COMMD10: variants seen among roughly 807,000 people sequenced by gnomAD.
COMMD10 encodes the protein COMM domain containing 10.
A neutral mutation model predicts 28.9 loss-of-function variants in COMMD10; 33 were observed. The observed-to-expected ratio is 1.14, with a 90% CI of 0.87 to 1.53. The LOEUF is 1.53. COMMD10 is among the 40% of genes most tolerant of loss of function. COMMD10 has a pLI of 0.00. For missense variants in COMMD10, 310 were observed against 233.4 expected, an observed-to-expected ratio of 1.33 and a Z score of -2.14; for synonymous variants, 110 against 81.7, an observed-to-expected ratio of 1.35 and a Z score of -1.87.
chr5:116,173,838 G>GTTTTTTTTTTTT (rs201419186), intron 5 of COMMD10, among the ~76,000 whole-genome samples: 1 of 118,924 alleles, frequency 8.4e-6, no homozygotes, highest in African/African-American at 3.7e-5. Context: ...GTTTTGTTTT[G>GTTTTTTTTTTTT]TTTTGTTTTT....
intron 5 of COMMD10, among the ~76,000 whole-genome samples, chr5:116,217,257 G>C (rs145713498): frequency 6.6e-6 from 1 of 151,190 alleles, no homozygotes; most frequent in Non-Finnish European, 1.5e-5. Context: ...ATAAACAGTC[G>C]TGGTATTTCA....
intron 5 of COMMD10, among the ~76,000 whole-genome samples, chr5:116,271,249 T>C (rs1386101080): frequency 2.1e-5 from 3 of 144,696 alleles, no homozygotes; most frequent in Non-Finnish European, 4.5e-5. Context: ...GTAAAAACAA[T>C]TTTTTTTCCT....
chr5:116,218,769 G>C (rs578065000), intron 5 of COMMD10, among the ~76,000 whole-genome samples: 1 of 152,262 alleles, frequency 6.6e-6, no homozygotes, highest in Non-Finnish European at 1.5e-5. Context: ...TAGTAGTCGA[G>C]TAGTAAGGGC....
intron 5 of COMMD10, among the ~76,000 whole-genome samples, chr5:116,197,075 A>C (rs1748543568): frequency 6.7e-6 from 1 of 148,380 alleles, no homozygotes; most frequent in African/African-American, 2.6e-5. Flanking sequence ...CTGTCCGTTA[A>C]ATATTTAAAA....
At position 116,221,371 on chromosome 5, in the gene COMMD10, TATTAA is replaced by T. The variant is rs546342008; in HGVS notation, c.511-70142_511-70138del. Among the ~76,000 whole-genome samples, 382 of 152,262 alleles carry T rather than the reference TATTAA, an allele frequency of 2.5e-3. 2 individuals are homozygous for T. Among genetic ancestry groups the T allele is most frequent in the African/African-American group, 7.7e-3 (320 of 41,542 alleles). ...TCTCCTTTCTCAGCCACCCTGTGGT[TATTAA>T]ATTCTTTCTGTGTTACAAACCCTGC... On this transcript the variant is annotated intron_variant, in intron 5 of 6. Coordinates refer to ENST00000274458, the MANE Select transcript of COMMD10 (RefSeq NM_016144.4).
intron 4 of COMMD10, among the ~76,000 whole-genome samples, chr5:116,122,687 G>T (rs1751481748): frequency 6.6e-6 from 1 of 152,112 alleles, no homozygotes; most frequent in East Asian, 1.9e-4. Flanking sequence ...TCCTTGAAGA[G>T]GTCCTTCACA....
intron 5 of COMMD10, among the ~76,000 whole-genome samples, chr5:116,238,964 C>A (rs1297910518): frequency 2.0e-5 from 3 of 152,048 alleles, no homozygotes; most frequent in African/African-American, 7.3e-5. Flanking sequence ...TTGTTTTTCT[C>A]CAAGATTAAA....
At chr5:116,204,623 AAT>A (rs1208749188) in intron 5 of COMMD10, among the ~76,000 whole-genome samples, 3 of 152,160 alleles carry the variant, frequency 2.0e-5, no homozygotes. Flanking sequence ...GAATTTACAG[AAT>A]ATGTTAAAAT....
At position 116,169,094 on chromosome 5, in the gene COMMD10, C is replaced by T. The variant is rs917850827; in HGVS notation, c.510+34916C>T. 3.8e-4 allele frequency among the ~76,000 whole-genome samples: 58 copies of T among 152,068 alleles called. 2 individuals carry two copies. Among genetic ancestry groups the T allele is most frequent in the Admixed American group, 3.2e-3 (49 of 15,284 alleles). On this transcript the variant is annotated intron_variant, in intron 5 of 6. Transcript: ENST00000274458. ...TTCTGAAAAGAATTAACAAAATAGA[C>T]CTCTAGCCACACTAATAAAGAAGAA...
chr5:116,230,881 A>G (rs1212529694), intron 5 of COMMD10, among the ~76,000 whole-genome samples: 2 of 152,080 alleles, frequency 1.3e-5, no homozygotes, highest in Non-Finnish European at 2.9e-5. Flanking sequence ...TCTTTAGTAG[A>G]AACAGCTTTT....
chr5:116,190,375 T>C (rs1748323488), intron 5 of COMMD10, among the ~76,000 whole-genome samples: 1 of 152,220 alleles, frequency 6.6e-6, no homozygotes, highest in Non-Finnish European at 1.5e-5. Context: ...GTGTATGTTG[T>C]GGAATTCTAC....
At chr5:116,184,499 C>T (rs10054966) in intron 5 of COMMD10, among the ~76,000 whole-genome samples, 1 of 151,688 alleles carries the variant, frequency 6.6e-6, no homozygotes, top group Non-Finnish European at 1.5e-5. Flanking sequence ...ACCTCCACCC[C>T]GCCTTTCTGG....
In COMMD10 at chr5:116,168,135, A is replaced by G. The variant is rs190747366; in HGVS notation, c.510+33957A>G. On this transcript the variant is annotated intron_variant, in intron 5 of 6. Transcript: ENST00000274458. ...AGGCTCAAAACAAATGGATGGAGGA[A>G]TATTTACAAAGAAAATGGAAAGCAA... 4.8e-5 allele frequency among the ~76,000 whole-genome samples: 7 copies of G among 147,214 alleles called. No individual in the cohort carries two copies. The East Asian group carries it at 1.4e-3, about 29-fold the overall frequency.
intron 5 of COMMD10, among the ~76,000 whole-genome samples, chr5:116,151,411 T>G (rs1274076068): frequency 6.6e-6 from 1 of 152,126 alleles, no homozygotes; most frequent in African/African-American, 2.4e-5. Context: ...TTTCTATTGA[T>G]TGGAATAGTT....
chr5:116,229,177 G>A lies in COMMD10; in HGVS notation c.511-62340G>A, dbSNP rs188922073. Among the ~76,000 whole-genome samples the A allele has an allele frequency of 2.0e-3, 307 of 151,982 alleles. 1 individual carries two copies. Among genetic ancestry groups the A allele is most frequent in the Non-Finnish European group, 3.1e-3 (213 of 67,876 alleles). On this transcript the variant is annotated intron_variant, in intron 5 of 6. Coordinates refer to ENST00000274458, the MANE Select transcript of COMMD10 (RefSeq NM_016144.4). Reference sequence around the variant, plus strand: ...TGCACTATTTTTAATCCTACTCATAGAATGAAAGATGAGGCATTGAACTTG... The same window carrying A: ...TGCACTATTTTTAATCCTACTCATAAAATGAAAGATGAGGCATTGAACTTG...
chr5:116,283,685 A>G (rs1477256980), intron 5 of COMMD10, among the ~76,000 whole-genome samples: 2 of 151,764 alleles, frequency 1.3e-5, no homozygotes, highest in Non-Finnish European at 2.9e-5. Context: ...ACAACTTTTT[A>G]ACCAAATCTG....
intron 5 of COMMD10, among the ~76,000 whole-genome samples, chr5:116,178,723 C>T (rs1021830561): frequency 6.6e-6 from 1 of 152,028 alleles, no homozygotes; most frequent in African/African-American, 2.4e-5. Flanking sequence ...TTAGTTGACT[C>T]TGCTTTTCTT....
chr5:116,101,632 G>C (rs1032011357), intron 4 of COMMD10, among the ~76,000 whole-genome samples: 18 of 152,040 alleles, frequency 1.2e-4, no homozygotes, highest in African/African-American at 4.4e-4. Flanking sequence ...TCACCATGTT[G>C]GTCAGGCTGG....
At chr5:116,203,938 A>G (rs549420838) in intron 5 of COMMD10, among the ~76,000 whole-genome samples, 1 of 152,206 alleles carries the variant, frequency 6.6e-6, no homozygotes, top group African/African-American at 2.4e-5. Context: ...TAAAAGACAC[A>G]GGCTGGCAAA....
Sources: allele counts gnomAD v4.1 joint callset (sites outside exome capture counted in the v4.1 genomes callset), GRCh38; gene constraint gnomAD v4.1.1; transcripts MANE v1.5; gene names NCBI Gene and HGNC (gene_info 2026-07-23, HGNC 2026-07-21).